ADGRG1: variants seen among roughly 807,000 people sequenced by gnomAD.
ADGRG1 encodes 7-transmembrane protein with no EGF-like N-terminal domains-1.
Under a neutral mutation model 73.5 loss-of-function variants are expected in ADGRG1, and 53 were observed. That is an observed-to-expected ratio of 0.72 (90% CI 0.58 to 0.91). The LOEUF (loss-of-function observed/expected upper bound fraction) is 0.91. Ranked by LOEUF, ADGRG1 falls within the 40% of genes least tolerant of loss-of-function variation. The pLI, the probability that ADGRG1 is intolerant of heterozygous loss-of-function variation, is 0.00. For synonymous variants in ADGRG1, 394 were observed against 374.4 expected, an observed-to-expected ratio of 1.05 and a Z score of -0.60; for missense variants, 795 against 871.8, an observed-to-expected ratio of 0.91 and a Z score of 1.11.
chr16:57,660,383 C>T, intron 11 of ADGRG1: 1 of 985,068 alleles, frequency 1.0e-6, no homozygotes, highest in African/African-American at 1.7e-5. Flanking sequence ...CTAATCTCCA[C>T]CGAACGGGCG....
rs117957222 is a variant in ADGRG1 at position 57,665,255 on chromosome 16, A to G, written c.*1673A>G. Reference sequence around the variant, plus strand: ...TGTCTGTGCTGGGGAGGCAATGGGGAGTGGTGGGGCCTGTGGCGAACTGGA... The same window carrying G: ...TGTCTGTGCTGGGGAGGCAATGGGGGGTGGTGGGGCCTGTGGCGAACTGGA... On this transcript the variant is annotated 3_prime_UTR_variant, in exon 14 of 14. Coordinates refer to ENST00000562631, the MANE Select transcript of ADGRG1 (RefSeq NM_201525.4). 6.6e-6 allele frequency: 1 copy of G among 152,034 alleles called. No homozygotes were observed. The highest frequency in any genetic ancestry group is 1.5e-5 in the Non-Finnish European group (1 of 68,044). The allele number at this position is 152,034 out of a possible 1,614,324, so 9.4% of individuals were successfully genotyped here.
At chr16:57,657,596 A>C in intron 10 of ADGRG1, 105 bp downstream of exon 10, 1 of 904,370 alleles carries the variant, frequency 1.1e-6, no homozygotes, top group Non-Finnish European at 1.8e-6. Context: ...CATGACCTGG[A>C]ACTGTGTGTG....
At chr16:57,651,109 G>A (rs766298327) in intron 2 of ADGRG1, 91 bp from the exon 3 acceptor site, 65 of 1,603,896 alleles carry the variant, frequency 4.1e-5, no homozygotes, top group Non-Finnish European at 5.2e-5. Flanking sequence ...CAGGCTCCAG[G>A]TTCACATGTA....
At chr16:57,644,583 ACT>A (rs2041888082) in intron 1 of ADGRG1, among the ~76,000 whole-genome samples, 2 of 142,010 alleles carry the variant, frequency 1.4e-5, no homozygotes, top group South Asian at 4.6e-4. Context: ...AAGCACACAC[ACT>A]GATCACACAC....
intron 1 of ADGRG1, chr16:57,636,747 G>GA (rs2039471778): frequency 2.1e-6 from 2 of 958,206 alleles, no homozygotes; most frequent in Non-Finnish European, 2.5e-6. Context: ...AGTCACTGGG[G>GA]ATCTTCTATG....
chr16:57,659,332 G>A (rs1410583765), intron 10 of ADGRG1, 81 bp from the exon 11 acceptor site: 1 of 1,606,804 alleles, frequency 6.2e-7, no homozygotes. Context: ...GGCAGTCTGG[G>A]AAGGCTTCCT....
At chr16:57,659,735 C>T (rs2046621467) in intron 11 of ADGRG1, 54 bp downstream of exon 11, 1 of 1,598,966 alleles carries the variant, frequency 6.3e-7, no homozygotes. Context: ...TTGGCTCTGG[C>T]AAAACCCAGG....
At chr16:57,625,440 G>A (rs1471300542), upstream of ADGRG1, 1 of 249,304 alleles carries the variant, frequency 4.0e-6, no homozygotes, top group Non-Finnish European at 6.4e-6. Context: ...GTTGTGGGGG[G>A]TGGGGTGTCC....
upstream of ADGRG1, chr16:57,627,088 C>T (rs962896522): frequency 1.0e-6 from 1 of 984,538 alleles, no homozygotes; most frequent in African/African-American, 1.7e-5. Context: ...TTTCTGGAAG[C>T]TCTCACCTTA....
Position 57,651,350 on chromosome 16 carries a change from C to T in ADGRG1, c.215C>T (p.Pro72Leu), listed in dbSNP as rs1250658672. ...GCCCTCACAGTCCATGCCCCTTTCC[C>T]TGCAGCCCACCCTGCTTCCCGATCC... ...EEALTVHAPF[P>L]AAHPASRSFP... The change falls in exon 3 of 14, where the codon CCT becomes CTT. Residue 72 changes from proline (P) to leucine (L), a missense_variant. By Grantham distance (98) the Pro-to-Leu change is moderately conservative. Transcript: ENST00000562631. The T allele has an allele frequency of 1.2e-6, 2 of 1,614,242 alleles. 1 individual carries two copies. The highest frequency in any genetic ancestry group is 2.2e-5 in the South Asian group (2 of 91,078).
intron 1 of ADGRG1, chr16:57,633,492 C>T: frequency 1.0e-5 from 10 of 985,388 alleles, no homozygotes; most frequent in Non-Finnish European, 1.2e-5. Context: ...CTTTGCTTTT[C>T]CATCCCTCAG....
Position 57,660,166 on chromosome 16 carries a change from C to T in ADGRG1, c.1555+485C>T, listed in dbSNP as rs369344824. 2.2e-4 allele frequency: 166 copies of T among 744,078 alleles called. 2 individuals are homozygous for T. In the South Asian group the frequency reaches 8.6e-3, roughly 39 times the overall value. The allele number at this position is 744,078 out of a possible 1,614,324, so 46.1% of individuals were successfully genotyped here. ...CAGCCCTCTTATGTCAGACCTACAG[C>T]CCAGGGGCTCATGATGCCACAAGTC... On this transcript the variant is annotated intron_variant, in intron 11 of 13. Coordinates refer to ENST00000562631, the MANE Select transcript of ADGRG1 (RefSeq NM_201525.4).
chr16:57,623,094 T>C, upstream of ADGRG1: 12 of 979,990 alleles, frequency 1.2e-5, no homozygotes, highest in Non-Finnish European at 1.5e-5. Context: ...AGTCAGTCCC[T>C]TTCCCTCTCT....
chr16:57,653,826 C>A (rs1005382507), intron 4 of ADGRG1, 160 bp from the exon 5 acceptor site: 26 of 984,928 alleles, frequency 2.6e-5, no homozygotes, highest in Non-Finnish European at 6.0e-6. Context: ...CTTTTGTCTG[C>A]TCTCCACTCT....
chr16:57,632,945 A>T, intron 1 of ADGRG1: 1 of 985,394 alleles, frequency 1.0e-6, no homozygotes, highest in Non-Finnish European at 1.2e-6. Flanking sequence ...ACTTACACCA[A>T]CTGCAAAACA....
Position 57,652,719 on chromosome 16 carries a change from C to A in ADGRG1, c.488-484C>A, listed in dbSNP as rs184365139. 3.6e-4 allele frequency: 368 copies of A among 1,010,152 alleles called. 2 individuals carry two copies. In the African/African-American group the frequency reaches 5.8e-3, roughly 16 times the overall value. The allele number at this position is 1,010,152 out of a possible 1,614,324, so 62.6% of individuals were successfully genotyped here. The stretch of plus-strand genomic sequence containing the variant: ...CAGAAAGTATACCCTCCAACCCCCA[C>A]TGTTTGTCTTCCTCATCTGAGTCCC... On this transcript the variant is annotated intron_variant, in intron 3 of 13. Transcript: ENST00000562631.
intron 13 of ADGRG1, 35 bp from the exon 14 acceptor site, chr16:57,663,417 C>T (rs2047752617): frequency 1.9e-6 from 3 of 1,612,526 alleles, no homozygotes; most frequent in Non-Finnish European, 2.5e-6. Context: ...GTGGGGCTCC[C>T]CCACCTGCTG....
chr16:57,620,840 T>A (rs1416485595), exon 1 of ADGRG1: 1 of 152,208 alleles, frequency 6.6e-6, no homozygotes, highest in South Asian at 2.1e-4. Flanking sequence ...TGAGGACTCT[T>A]TGGAACAGGG....
chr16:57,663,588 C>T lies in ADGRG1; in HGVS notation c.*6C>T, dbSNP rs2047802485. On this transcript the variant is annotated 3_prime_UTR_variant, in exon 14 of 14. Coordinates refer to ENST00000562631, the MANE Select transcript of ADGRG1 (RefSeq NM_201525.4). Reference sequence around the variant, plus strand: ...CCTCGTCCAGCCGCATCTAGGCCTCCAGCCCACCTGCCCATGTGATGAAGC... The same window carrying T: ...CCTCGTCCAGCCGCATCTAGGCCTCTAGCCCACCTGCCCATGTGATGAAGC... 1 of 1,612,498 alleles carries T rather than the reference C, an allele frequency of 6.2e-7. No homozygotes were observed. The highest frequency in any genetic ancestry group is 8.5e-7 in the Non-Finnish European group (1 of 1,179,856).
Sources: allele counts gnomAD v4.1 joint callset (sites outside exome capture counted in the v4.1 genomes callset), GRCh38; gene constraint gnomAD v4.1.1; transcripts MANE v1.5; gene names NCBI Gene and HGNC (gene_info 2026-07-23, HGNC 2026-07-21).